Variants in DZIP1 observed in about 807,000 individuals in gnomAD.
The protein encoded by DZIP1 is DAZ interacting zinc finger protein 1, also known as cilium assembly protein DZIP1.
A neutral mutation model predicts 107.6 loss-of-function variants in DZIP1; 97 were observed. The observed-to-expected ratio is 0.90, with a 90% CI of 0.77 to 1.07. The LOEUF is 1.07. DZIP1 is among the 50% of genes least tolerant of loss of function. DZIP1 has a pLI of 0.00. For synonymous variants in DZIP1, 390 were observed against 386.4 expected (o/e 1.01, Z -0.11); for missense variants, 1,035 against 1,063.6 (o/e 0.97, Z 0.37).
At chr13:95,583,476 C>T (rs1353872344) in intron 22 of DZIP1, among the ~76,000 whole-genome samples, 1 of 151,950 alleles carries the variant, frequency 6.6e-6, no homozygotes, top group Non-Finnish European at 1.5e-5. Context: ...GGTGCGATGG[C>T]ATAGAGAAGC....
intron 5 of DZIP1, among the ~76,000 whole-genome samples, chr13:95,640,175 T>C (rs1434925446): frequency 6.6e-6 from 1 of 152,032 alleles, no homozygotes; most frequent in Non-Finnish European, 1.5e-5. Context: ...GTATTTTTAG[T>C]AGACACGGGG....
In DZIP1 at chr13:95,605,043, A is replaced by C. The variant is rs117935842; in HGVS notation, c.1477+960T>G. Among the ~76,000 whole-genome samples, 886 of 152,322 alleles carry C rather than the reference A, an allele frequency of 5.8e-3. 3 individuals carry two copies. The highest frequency in any genetic ancestry group is 8.7e-3 in the Admixed American group (133 of 15,300). On this transcript the variant is annotated intron_variant, in intron 14 of 22. Transcript: ENST00000376829. Reference sequence around the variant, plus strand: ...TACGTATTGTGATCACATACTCAAGACAACTGACCCACCTGAAATGATCTT... The same window carrying C: ...TACGTATTGTGATCACATACTCAAGCCAACTGACCCACCTGAAATGATCTT...
At chr13:95,613,889 C>T (rs1037458115) in intron 10 of DZIP1, among the ~76,000 whole-genome samples, 2 of 151,984 alleles carry the variant, frequency 1.3e-5, no homozygotes, top group African/African-American at 2.4e-5. Context: ...TTCGGGAGGC[C>T]GAGGAGGGAG....
At position 95,606,008 on chromosome 13, in the gene DZIP1, A is replaced by G. The variant is rs1486518761; in HGVS notation, c.1472T>C (p.Val491Ala). ...AGACTATTACTGAAACTTACCATGCACCATTGGCAGACTTGATTTAGTTTC... is the reference window on the plus strand; with the variant it reads ...AGACTATTACTGAAACTTACCATGCGCCATTGGCAGACTTGATTTAGTTTC... ...TLETKSSLPM[V>A]HEQAFSSHIL... The change falls in exon 14 of 23, where the codon GTG becomes GCG. Residue 491 changes from valine to alanine, a missense_variant. Physicochemically the swap from Val to Ala is moderately conservative, Grantham distance 64. Transcript: ENST00000376829. The G allele has an allele frequency of 1.9e-6, 3 of 1,613,854 alleles. No individual in the cohort carries two copies. Among genetic ancestry groups the G allele is most frequent in the Non-Finnish European group, 1.7e-6 (2 of 1,179,922 alleles).
Position 95,589,848 on chromosome 13 carries a change from A to G in DZIP1, c.1928T>C (p.Leu643Pro), listed in dbSNP as rs780528466. Reference protein sequence around the residue: ...MIQLPSKNRQLIRQKAVSTDR... With the variant: ...MIQLPSKNRQPIRQKAVSTDR... ...AGTAGAAACAGCTTTTTGTCTAATCAGTTGTCTGTTTTTGGAAGGAAGTTG... is the reference window on the plus strand; with the variant it reads ...AGTAGAAACAGCTTTTTGTCTAATCGGTTGTCTGTTTTTGGAAGGAAGTTG... Residue 643 changes from leucine (L) to proline (P), a missense_variant, in exon 18 of 23, where the codon CTG becomes CCG. By Grantham distance (98) the Leu-to-Pro change is moderately conservative. Transcript: ENST00000376829. 8.7e-6 allele frequency: 14 copies of G among 1,614,118 alleles called. No individual in the cohort carries two copies. The Admixed American group carries it at 2.0e-4, about 23-fold the overall frequency.
At position 95,622,332 on chromosome 13, in the gene DZIP1, C is replaced by G. The variant is rs755408131; in HGVS notation, c.1110+11G>C. Reference sequence around the variant, plus strand: ...AGGCATCCACTGCAGCTGTCACCCACTTGCACGTACCTGACTATCAAGAAG... The same window carrying G: ...AGGCATCCACTGCAGCTGTCACCCAGTTGCACGTACCTGACTATCAAGAAG... On this transcript the variant is annotated intron_variant, in intron 9 of 22. Coordinates refer to ENST00000376829, the MANE Select transcript of DZIP1 (RefSeq NM_198968.4). 1 of 1,614,154 alleles carries G rather than the reference C, an allele frequency of 6.2e-7. No homozygotes were observed. Among genetic ancestry groups the G allele is most frequent in the South Asian group, 1.1e-5 (1 of 91,084 alleles).
In DZIP1 at chr13:95,582,251, C is replaced by T. The variant is rs966468878; in HGVS notation, c.2587G>A (p.Asp863Asn). The T allele has an allele frequency of 1.8e-5, 29 of 1,613,906 alleles. No homozygotes were observed. Among genetic ancestry groups the T allele is most frequent in the Admixed American group, 1.2e-4 (7 of 59,992 alleles). Residue 863 changes from aspartate to asparagine, a missense_variant, in exon 23 of 23, where the codon GAC becomes AAC. Physicochemically the swap from Asp to Asn is conservative, Grantham distance 23 (BLOSUM62 1). Coordinates refer to ENST00000376829, the MANE Select transcript of DZIP1 (RefSeq NM_198968.4). ...SSLVTVTDWSDTSDV is the reference protein window; with the variant it reads ...SSLVTVTDWSNTSDV ...ATGTGGAATTAGACATCTGAAGTGT[C>T]GCTCCAATCAGTCACAGTTACTAAG...
Position 95,587,514 on chromosome 13 carries a change from A to G in DZIP1, c.2218+25T>C, listed in dbSNP as rs2044192650. 3.1e-6 allele frequency: 5 copies of G among 1,610,590 alleles called. 1 individual carries two copies. The highest frequency in any genetic ancestry group is 3.3e-5 in the Admixed American group (2 of 59,882). ...CAACTGTCCTAAATACAGTTTCCAG[A>G]GAGTTTTCCAAGGTAACAGCTCACC... On this transcript the variant is annotated intron_variant, in intron 20 of 22. Coordinates refer to ENST00000376829, the MANE Select transcript of DZIP1 (RefSeq NM_198968.4).
chr13:95,583,843 C>G (rs2044071848), intron 22 of DZIP1, among the ~76,000 whole-genome samples: 1 of 151,816 alleles, frequency 6.6e-6, no homozygotes, highest in African/African-American at 2.4e-5. Context: ...AATATAAAAG[C>G]TGGGCATGGT....
In DZIP1 at chr13:95,599,335, G is replaced by A. The variant is rs552842032; in HGVS notation, c.1537+30C>T. The A allele has an allele frequency of 5.8e-5, 93 of 1,591,892 alleles. No individual in the cohort carries two copies. The East Asian group carries it at 2.0e-3, about 35-fold the overall frequency. The stretch of plus-strand genomic sequence containing the variant: ...ATTTTGGCATATAAATATAATCTGT[G>A]CAGGTAAACCTGATCAAGCCCTTTG... On this transcript the variant is annotated intron_variant, in intron 15 of 22. Transcript: ENST00000376829.
intron 10 of DZIP1, among the ~76,000 whole-genome samples, chr13:95,615,072 A>C (rs892885682): frequency 1.2e-4 from 18 of 152,202 alleles, no homozygotes; most frequent in African/African-American, 4.3e-4. Context: ...TCAAACCAAC[A>C]GACGAGGAAG....
chr13:95,630,868 G>A (rs893319357), intron 6 of DZIP1: 19 of 566,378 alleles, frequency 3.4e-5, no homozygotes, highest in Non-Finnish European at 5.3e-5. Flanking sequence ...ACGAGTATGA[G>A]TTAGAATAAG....
intron 15 of DZIP1, among the ~76,000 whole-genome samples, chr13:95,595,673 A>C (rs2044428472): frequency 6.6e-6 from 1 of 152,140 alleles, no homozygotes; most frequent in Admixed American, 6.5e-5. Context: ...AAAAAGAGGC[A>C]CCGAGAGAGC....
Position 95,582,079 on chromosome 13 carries a change from G to A in DZIP1, c.*155C>T, listed in dbSNP as rs2044021996. The A allele has an allele frequency of 3.0e-6, 2 of 656,512 alleles. No homozygotes were observed. The highest frequency in any genetic ancestry group is 3.8e-5 in the South Asian group (2 of 53,296). The allele number at this position is 656,512 out of a possible 1,614,324, so 40.7% of individuals were successfully genotyped here. ...GATCTGATTTTCAATACTGTATTGG[G>A]TGCCATTAAAGAGACCATTGTTCTT... On this transcript the variant is annotated 3_prime_UTR_variant, in exon 23 of 23. Coordinates refer to ENST00000376829, the MANE Select transcript of DZIP1 (RefSeq NM_198968.4).
chr13:95,583,574 T>C (rs1329716916), intron 22 of DZIP1, among the ~76,000 whole-genome samples: 1 of 152,176 alleles, frequency 6.6e-6, no homozygotes, highest in African/African-American at 2.4e-5. Context: ...ATTACTAAGT[T>C]ATTGGGCTTA....
At chr13:95,631,466 CAA>C (rs918427065) in intron 6 of DZIP1, among the ~76,000 whole-genome samples, 1 of 132,726 alleles carries the variant, frequency 7.5e-6, no homozygotes, top group African/African-American at 2.8e-5. Context: ...GATTCCATCT[CAA>C]AAAAAAAAAC....
chr13:95,630,141 C>T (rs771240822), intron 6 of DZIP1, 28 bp from the exon 7 acceptor site: 2 of 1,598,716 alleles, frequency 1.3e-6, no homozygotes, highest in East Asian at 2.2e-5. Flanking sequence ...CGTGTTAAAA[C>T]ACCATCTCTT....
intron 5 of DZIP1, among the ~76,000 whole-genome samples, chr13:95,637,714 G>A (rs964817250): frequency 6.6e-6 from 1 of 151,990 alleles, no homozygotes; most frequent in African/African-American, 2.4e-5. Context: ...CAGGAAGAGA[G>A]GCCTCACCAG....
chr13:95,594,160 G>T (rs528836079), intron 15 of DZIP1, 74 bp from the exon 16 acceptor site: 43 of 1,214,842 alleles, frequency 3.5e-5, no homozygotes, highest in Non-Finnish European at 4.9e-5. Context: ...GCAGAAAATG[G>T]CAAACCACAG....
Sources: gnomAD v4.1 joint callset for allele counts (sites outside exome capture counted in the v4.1 genomes callset) on GRCh38, gnomAD v4.1.1 for gene constraint, MANE v1.5 for transcripts, NCBI Gene and HGNC (gene_info 2026-07-23, HGNC 2026-07-21) for gene names.